The following LRRTM4 variants were observed in gnomAD, a reference collection of about 807,000 sequenced individuals.
LRRTM4 encodes leucine rich repeat transmembrane neuronal 4, also known as leucine-rich repeat transmembrane neuronal protein 4.
Under a neutral mutation model 47.6 loss-of-function variants are expected in LRRTM4, and 25 were observed. The observed-to-expected ratio is 0.53, with a 90% CI of 0.38 to 0.73. The LOEUF is 0.73. Among genes scored for constraint, LRRTM4 ranks in the 30% least tolerant of loss-of-function variants. LRRTM4 has a pLI of 0.00. For missense variants in LRRTM4, 638 were observed against 713.4 expected (o/e 0.89, Z 1.20); for synonymous variants, 311 against 269.5 (o/e 1.15, Z -1.51).
At chr2:76,923,389 T>A (rs901512270) in intron 3 of LRRTM4, among the ~76,000 whole-genome samples, 1 of 151,854 alleles carries the variant, frequency 6.6e-6, no homozygotes, top group Admixed American at 6.6e-5. Flanking sequence ...TAAAATTACA[T>A]AAATTTACTA....
At chr2:77,181,180 T>C (rs1673338258) in intron 3 of LRRTM4, among the ~76,000 whole-genome samples, 1 of 152,074 alleles carries the variant, frequency 6.6e-6, no homozygotes, top group Admixed American at 6.6e-5. Flanking sequence ...TGGGATGAGG[T>C]CAGGGTCTGT....
chr2:76,993,957 C>G (rs1198550447), intron 3 of LRRTM4, among the ~76,000 whole-genome samples: 2 of 151,622 alleles, frequency 1.3e-5, no homozygotes, highest in Non-Finnish European at 2.9e-5. Context: ...TTTTTTTCAG[C>G]AACATAGATG....
intron 3 of LRRTM4, among the ~76,000 whole-genome samples, chr2:77,043,484 C>T (rs925437205): frequency 2.0e-5 from 3 of 151,724 alleles, no homozygotes; most frequent in African/African-American, 4.8e-5. Flanking sequence ...AATGCTTACA[C>T]AAACATGCCT....
intron 3 of LRRTM4, among the ~76,000 whole-genome samples, chr2:77,381,195 T>G (rs1673037887): frequency 6.6e-6 from 1 of 152,094 alleles, no homozygotes; most frequent in African/African-American, 2.4e-5. Flanking sequence ...AGACTAGATA[T>G]AAACTACCTC....
intron 3 of LRRTM4, among the ~76,000 whole-genome samples, chr2:76,918,815 A>G (rs1220640162): frequency 6.6e-6 from 1 of 152,138 alleles, no homozygotes; most frequent in East Asian, 1.9e-4. Flanking sequence ...AATCCTTAGA[A>G]AGATTTCCCT....
At chr2:77,236,484 A>G (rs1384805048) in intron 3 of LRRTM4, among the ~76,000 whole-genome samples, 1 of 147,356 alleles carries the variant, frequency 6.8e-6, no homozygotes, top group Non-Finnish European at 1.5e-5. Flanking sequence ...GCCTCACTTC[A>G]TTTTTTTTTT....
At chr2:77,506,278 A>G (rs1400545509) in intron 3 of LRRTM4, among the ~76,000 whole-genome samples, 1 of 151,720 alleles carries the variant, frequency 6.6e-6, no homozygotes, top group African/African-American at 2.4e-5. Context: ...GGACACACTA[A>G]AGTATGTTTT....
intron 3 of LRRTM4, among the ~76,000 whole-genome samples, chr2:77,164,609 CTG>C (rs1672827828): frequency 6.6e-6 from 1 of 152,180 alleles, no homozygotes; most frequent in East Asian, 1.9e-4. Context: ...TTATAACAAA[CTG>C]TCTCTCAGAC....
At chr2:77,362,129 G>GAAAGA (rs368149967) in intron 3 of LRRTM4, among the ~76,000 whole-genome samples, 3,593 of 127,596 alleles carry the variant, frequency 0.028, 66 homozygotes, top group Non-Finnish European at 0.041. Flanking sequence ...AAGAAAGAAA[G>GAAAGA]AAAGAAAGAA....
intron 3 of LRRTM4, among the ~76,000 whole-genome samples, chr2:77,208,832 A>G (rs1164582642): frequency 6.6e-6 from 1 of 152,202 alleles, no homozygotes; most frequent in Non-Finnish European, 1.5e-5. Flanking sequence ...TTATATTTGC[A>G]TAATATACTA....
At chr2:77,166,051 T>C (rs749582282) in intron 3 of LRRTM4, among the ~76,000 whole-genome samples, 2 of 152,194 alleles carry the variant, frequency 1.3e-5, no homozygotes, top group African/African-American at 2.4e-5. Flanking sequence ...TGATTGTATA[T>C]GTAGAAAACT....
chr2:77,202,143 T>C (rs1484072940), intron 3 of LRRTM4, among the ~76,000 whole-genome samples: 1 of 152,108 alleles, frequency 6.6e-6, no homozygotes, highest in Non-Finnish European at 1.5e-5. Flanking sequence ...TGAAAGAGTG[T>C]TAGAAATAAA....
At chr2:76,932,166 T>C (rs1031978341) in intron 3 of LRRTM4, among the ~76,000 whole-genome samples, 3 of 152,106 alleles carry the variant, frequency 2.0e-5, no homozygotes, top group African/African-American at 7.2e-5. Flanking sequence ...CGGAGCATCA[T>C]ATCCAGATGT....
intron 3 of LRRTM4, among the ~76,000 whole-genome samples, chr2:77,218,899 C>T (rs1230445893): frequency 6.6e-6 from 1 of 152,160 alleles, no homozygotes; most frequent in Non-Finnish European, 1.5e-5. Context: ...GATTGGGTCT[C>T]AGCCCTCAAG....
chr2:76,930,246 G>A (rs1558744796), intron 3 of LRRTM4, among the ~76,000 whole-genome samples: 1 of 152,026 alleles, frequency 6.6e-6, no homozygotes. Context: ...AGTCTCTTGG[G>A]GGCCCTTTGG....
At chr2:77,057,196 T>G (rs577219369) in intron 3 of LRRTM4, among the ~76,000 whole-genome samples, 1 of 152,280 alleles carries the variant, frequency 6.6e-6, no homozygotes, top group South Asian at 2.1e-4. Flanking sequence ...TTACCAGACA[T>G]TTATGCTTTC....
intron 3 of LRRTM4, among the ~76,000 whole-genome samples, chr2:77,425,976 C>T (rs1041363608): frequency 6.6e-6 from 1 of 151,732 alleles, no homozygotes; most frequent in African/African-American, 2.4e-5. Flanking sequence ...AATTAGCTGG[C>T]ATGGTGGTGC....
chr2:76,987,267 G>A (rs923286775), intron 3 of LRRTM4: 2 of 151,746 alleles, frequency 1.3e-5, no homozygotes, highest in Admixed American at 6.6e-5. Context: ...CTTATAACAT[G>A]CAAGGAAAGT....
chr2:76,963,064 C>T (rs1015288983), intron 3 of LRRTM4, among the ~76,000 whole-genome samples: 7 of 150,772 alleles, frequency 4.6e-5, no homozygotes, highest in African/African-American at 1.7e-4. Flanking sequence ...ATAAATTTAG[C>T]TTTCATCTAA....
Sources: allele counts gnomAD v4.1 joint callset (sites outside exome capture counted in the v4.1 genomes callset), GRCh38; gene constraint gnomAD v4.1.1; transcripts MANE v1.5; gene names NCBI Gene and HGNC (gene_info 2026-07-23, HGNC 2026-07-21).